The following TRAPPC6B variants were observed in gnomAD, a reference collection of about 807,000 sequenced individuals.
The protein encoded by TRAPPC6B is TRAPP complex subunit 6B.
TRAPPC6B carries 27 observed loss-of-function variants against 24.7 expected under a neutral mutation model. That is an observed-to-expected ratio of 1.09 (90% CI 0.81 to 1.51). TRAPPC6B has a LOEUF of 1.51. Among genes scored for constraint, TRAPPC6B ranks in the 40% most tolerant of loss-of-function variants. The pLI is 0.00. For synonymous variants in TRAPPC6B, 80 were observed against 66.6 expected (o/e 1.20, Z -0.98); for missense variants, 212 against 190.8 (o/e 1.11, Z -0.66).
chr14:39,159,241 A>G (rs1042044918), intron 2 of TRAPPC6B: 9 of 216,996 alleles, frequency 4.1e-5, no homozygotes, highest in African/African-American at 1.8e-4. Flanking sequence ...TAAAGTCTAA[A>G]ATAGCTTCAG....
In TRAPPC6B at chr14:39,166,997, T is replaced by A. The variant is rs146889047; in HGVS notation, c.81+3018A>T. Among the ~76,000 whole-genome samples the A allele has an allele frequency of 1.0e-3, 154 of 152,324 alleles. 1 individual carries two copies. Among genetic ancestry groups the A allele is most frequent in the African/African-American group, 3.5e-3 (144 of 41,572 alleles). The stretch of plus-strand genomic sequence containing the variant: ...CCTTATTGCAATTCTCCTGTCTTGA[T>A]AGATCAGCTCTACCTGGGCAGTGGG... On this transcript the variant is annotated intron_variant, in intron 1 of 5. Coordinates refer to ENST00000330149, the MANE Select transcript of TRAPPC6B (RefSeq NM_001079537.2).
chr14:39,158,270 A>T lies in TRAPPC6B; in HGVS notation c.267+15T>A, dbSNP rs755195487. The T allele has an allele frequency of 7.2e-7, 1 of 1,385,046 alleles. No homozygotes were observed. The highest frequency in any genetic ancestry group is 1.0e-6 in the Non-Finnish European group (1 of 997,374). 85.8% of individuals were successfully genotyped at this position (1,385,046 alleles called of 1,614,324 possible). ...TAAAGGACTTTAAAATATAGGCCTT[A>T]ATTAATTTAATTACCTGATGATTTG... On this transcript the variant is annotated intron_variant, in intron 3 of 5. Coordinates refer to ENST00000330149, the MANE Select transcript of TRAPPC6B (RefSeq NM_001079537.2).
chr14:39,148,576 C>T lies in TRAPPC6B; in HGVS notation c.*1774G>A, dbSNP rs2052881465. On this transcript the variant is annotated 3_prime_UTR_variant, in exon 6 of 6. Coordinates refer to ENST00000330149, the MANE Select transcript of TRAPPC6B (RefSeq NM_001079537.2). ...CTTTTTCACACACACAATTCTCACACCTGTTTTATTTTGAAGTTCTCTATT... is the reference window on the plus strand; with the variant it reads ...CTTTTTCACACACACAATTCTCACATCTGTTTTATTTTGAAGTTCTCTATT... The T allele has an allele frequency of 2.5e-6, 1 of 398,174 alleles. No homozygotes were observed. Among genetic ancestry groups the T allele is most frequent in the South Asian group, 1.3e-4 (1 of 7,832 alleles). 24.7% of individuals were successfully genotyped at this position (398,174 alleles called of 1,614,324 possible). A position where few individuals can be genotyped will look rare whatever the true frequency, so the allele number is the denominator to read the frequency against.
In TRAPPC6B at chr14:39,159,463, T is replaced by C; in HGVS notation, c.149+20A>G. ...TTTATAACCTACCTGCAAGAAAATT[T>C]TCAAATCCAACCTGCTCACCTTTCT... On this transcript the variant is annotated intron_variant, in intron 2 of 5. Coordinates refer to ENST00000330149, the MANE Select transcript of TRAPPC6B (RefSeq NM_001079537.2). 1 of 1,558,518 alleles carries C rather than the reference T, an allele frequency of 6.4e-7. No homozygotes were observed. Among genetic ancestry groups the C allele is most frequent in the East Asian group, 2.3e-5 (1 of 42,778 alleles).
At chr14:39,164,491 T>TAA (rs34621208) in intron 1 of TRAPPC6B, among the ~76,000 whole-genome samples, 3 of 149,444 alleles carry the variant, frequency 2.0e-5, no homozygotes, top group African/African-American at 4.9e-5. Context: ...AAACTCTGTC[T>TAA]AAAAAAAAAA....
rs1055056691 is a variant in TRAPPC6B, at chr14:39,147,900, T to C, written c.*2450A>G. 1 of 152,218 alleles carries C rather than the reference T, an allele frequency of 6.6e-6. No individual in the cohort carries two copies. Among genetic ancestry groups the C allele is most frequent in the African/African-American group, 2.4e-5 (1 of 41,458 alleles). 9.4% of individuals were successfully genotyped at this position (152,218 alleles called of 1,614,324 possible). A position where few individuals can be genotyped will look rare whatever the true frequency, so the allele number is the denominator to read the frequency against. ...TCCCGCAGAAAAAGGCATATTCAAT[T>C]GTCCCATACTAATTTTTGAATAACC... On this transcript the variant is annotated 3_prime_UTR_variant, in exon 6 of 6. Transcript: ENST00000330149.
At chr14:39,167,213 T>C (rs369172100) in intron 1 of TRAPPC6B, among the ~76,000 whole-genome samples, 2 of 152,320 alleles carry the variant, frequency 1.3e-5, no homozygotes, top group Admixed American at 6.5e-5. Context: ...TCAAAATCCA[T>C]TCACCATAAA....
chr14:39,168,287 C>T (rs989351719), intron 1 of TRAPPC6B, among the ~76,000 whole-genome samples: 2 of 149,502 alleles, frequency 1.3e-5, no homozygotes, highest in South Asian at 2.1e-4. Flanking sequence ...GAACTGAATA[C>T]GCAAGTGGTT....
At chr14:39,159,002 T>A (rs1335437360) in intron 2 of TRAPPC6B, 1 of 152,436 alleles carries the variant, frequency 6.6e-6, no homozygotes, top group Non-Finnish European at 1.5e-5. Context: ...CTGAGCATTA[T>A]CATGACATTG....
At chr14:39,168,649 A>G (rs530227154) in intron 1 of TRAPPC6B, among the ~76,000 whole-genome samples, 1 of 152,180 alleles carries the variant, frequency 6.6e-6, no homozygotes, top group Non-Finnish European at 1.5e-5. Context: ...GATTAATAGT[A>G]CCACCATCCA....
At chr14:39,160,860 CCA>C (rs2053049658) in intron 1 of TRAPPC6B, among the ~76,000 whole-genome samples, 1 of 152,042 alleles carries the variant, frequency 6.6e-6, no homozygotes, top group Non-Finnish European at 1.5e-5. Flanking sequence ...AAATAAAATC[CCA>C]CAGTTAGCAT....
At chr14:39,152,503 T>A (rs1180961341) in intron 4 of TRAPPC6B, among the ~76,000 whole-genome samples, 1 of 152,212 alleles carries the variant, frequency 6.6e-6, no homozygotes, top group Non-Finnish European at 1.5e-5. Context: ...GAATTTTTGA[T>A]TACCCACATC....
rs1339559684 is a variant in TRAPPC6B, at chr14:39,159,573, T to A, written c.82-23A>T. 2.6e-6 allele frequency: 4 copies of A among 1,555,526 alleles called. No homozygotes were observed. The Admixed American group carries it at 5.2e-5, about 20-fold the overall frequency. On this transcript the variant is annotated intron_variant, in intron 1 of 5. Transcript: ENST00000330149. ...TTCCTATTTTAAAAAACAATAGTTT[T>A]AAATACTTTTAGAATGCTAGGATGT...
chr14:39,166,094 G>A (rs935134398), intron 1 of TRAPPC6B, among the ~76,000 whole-genome samples: 2 of 151,676 alleles, frequency 1.3e-5, no homozygotes, highest in Non-Finnish European at 2.9e-5. Flanking sequence ...GAGCCACCGT[G>A]TCCAGCCTCT....
chr14:39,164,654 T>G (rs893392755), intron 1 of TRAPPC6B, among the ~76,000 whole-genome samples: 5 of 151,918 alleles, frequency 3.3e-5, no homozygotes. Flanking sequence ...CTGGGCAACA[T>G]AGTGAAACCT....
intron 1 of TRAPPC6B, among the ~76,000 whole-genome samples, chr14:39,166,218 G>A (rs1371030099): frequency 6.6e-6 from 1 of 150,844 alleles, no homozygotes; most frequent in Non-Finnish European, 1.5e-5. Context: ...GGGATTTACA[G>A]GTGTGAGCCA....
At chr14:39,169,097 C>G (rs1017403980) in intron 1 of TRAPPC6B, among the ~76,000 whole-genome samples, 2 of 152,302 alleles carry the variant, frequency 1.3e-5, no homozygotes, top group South Asian at 4.1e-4. Flanking sequence ...CATTTCCTAT[C>G]CCCACTCTCC....
intron 3 of TRAPPC6B, chr14:39,156,715 A>G (rs888614578): frequency 6.6e-6 from 1 of 152,244 alleles, no homozygotes; most frequent in African/African-American, 2.4e-5. Flanking sequence ...AGAAATGACT[A>G]TAAAGAATCT....
intron 3 of TRAPPC6B, 65 bp from the exon 4 acceptor site, chr14:39,154,359 T>G: frequency 1.0e-6 from 1 of 978,426 alleles, no homozygotes; most frequent in Non-Finnish European, 1.6e-6. Flanking sequence ...ATTATTTTAT[T>G]CTTATGAAAC....
Sources: allele counts gnomAD v4.1 joint callset (sites outside exome capture counted in the v4.1 genomes callset), GRCh38; gene constraint gnomAD v4.1.1; transcripts MANE v1.5; gene names NCBI Gene and HGNC (gene_info 2026-07-23, HGNC 2026-07-21).